The following AUH variants were observed in gnomAD, a reference collection of about 807,000 sequenced individuals.
The protein encoded by AUH is AU RNA binding methylglutaconyl-CoA hydratase, also known as methylglutaconyl-CoA hydratase, mitochondrial.
In AUH, 29 loss-of-function variants were observed where a neutral mutation model predicts 42.3. The ratio of observed to expected loss-of-function variants is 0.69; its 90% CI spans 0.51 to 0.93. AUH has a LOEUF of 0.93. Among genes scored for constraint, AUH ranks in the 40% least tolerant of loss-of-function variants. The pLI, the probability that AUH is intolerant of heterozygous loss-of-function variation, is 0.00. For missense variants in AUH, 452 were observed against 438.1 expected (o/e 1.03, Z -0.28); for synonymous variants, 174 against 166.4 (o/e 1.05, Z -0.35).
intron 6 of AUH, among the ~76,000 whole-genome samples, chr9:91,287,839 GTTGA>G (rs967708701): frequency 3.3e-5 from 5 of 152,024 alleles, no homozygotes; most frequent in Non-Finnish European, 7.4e-5. Flanking sequence ...TGATAATAGT[GTTGA>G]TTATGTAAGA....
chr9:91,235,092 C>T (rs1252382838), intron 6 of AUH, among the ~76,000 whole-genome samples: 1 of 151,856 alleles, frequency 6.6e-6, no homozygotes, highest in Non-Finnish European at 1.5e-5. Flanking sequence ...TAGAAGTTTA[C>T]ATTTTACCCT....
chr9:91,341,568 C>A (rs59800170), intron 3 of AUH, among the ~76,000 whole-genome samples: 3,789 of 152,320 alleles, frequency 0.025, 78 homozygotes, highest in East Asian at 0.065. Flanking sequence ...AAGCCACCTA[C>A]GCATGCTCTG....
intron 6 of AUH, among the ~76,000 whole-genome samples, chr9:91,230,810 GCA>G (rs1470274257): frequency 6.6e-6 from 1 of 152,236 alleles, no homozygotes; most frequent in Non-Finnish European, 1.5e-5. Context: ...GGAGAACCCT[GCA>G]GTGTGAGGTA....
At chr9:91,245,293 A>G (rs1463769207) in intron 6 of AUH, among the ~76,000 whole-genome samples, 4 of 152,164 alleles carry the variant, frequency 2.6e-5, no homozygotes, top group African/African-American at 9.7e-5. Flanking sequence ...AGAACTGTGA[A>G]AAGTATGAGA....
chr9:91,361,258 A>G (rs1423852576), intron 1 of AUH, among the ~76,000 whole-genome samples: 2 of 152,164 alleles, frequency 1.3e-5, no homozygotes, highest in African/African-American at 4.8e-5. Flanking sequence ...CTAATAGCTG[A>G]GTTTACAGAA....
At chr9:91,349,688 A>G (rs978900036) in intron 3 of AUH, among the ~76,000 whole-genome samples, 7 of 149,240 alleles carry the variant, frequency 4.7e-5, no homozygotes, top group African/African-American at 1.5e-4. Flanking sequence ...AGACACACAC[A>G]CACACACACA....
intron 6 of AUH, among the ~76,000 whole-genome samples, chr9:91,232,516 A>C (rs964041556): frequency 2.6e-5 from 4 of 152,190 alleles, no homozygotes; most frequent in African/African-American, 9.7e-5. Flanking sequence ...TTCCACAGAA[A>C]AGCAACTATA....
Position 91,361,622 on chromosome 9 carries a change from C to A in AUH, c.262+6G>T. 6.3e-7 allele frequency: 1 copy of A among 1,578,532 alleles called. No individual in the cohort carries two copies. Among genetic ancestry groups the A allele is most frequent in the Non-Finnish European group, 8.6e-7 (1 of 1,163,146 alleles). On this transcript the variant is annotated splice_donor_region_variant and intron_variant, in intron 1 of 9. Coordinates refer to ENST00000375731, the MANE Select transcript of AUH (RefSeq NM_001698.3). ...GCCCCGCGCCTGCCCAGCGTTCGCA[C>A]CTCACCTCGGTTCTCCTCCTCCAGG...
chr9:91,343,290 G>A (rs1315199423), intron 3 of AUH: 1 of 151,896 alleles, frequency 6.6e-6, no homozygotes, highest in East Asian at 1.9e-4. Flanking sequence ...TAGGAAGCTA[G>A]AAATAAGAGT....
At chr9:91,249,585 A>AT (rs1829009640) in intron 6 of AUH, among the ~76,000 whole-genome samples, 1 of 152,176 alleles carries the variant, frequency 6.6e-6, no homozygotes, top group African/African-American at 2.4e-5. Flanking sequence ...TAATACTCAA[A>AT]TATCTTCTGT....
chr9:91,288,082 G>A (rs1284458416), intron 6 of AUH, among the ~76,000 whole-genome samples: 3 of 151,992 alleles, frequency 2.0e-5, no homozygotes, highest in Non-Finnish European at 4.4e-5. Context: ...AATTCACAGA[G>A]CAGTGGAAAT....
chr9:91,303,392 G>A (rs1189898979), intron 4 of AUH, among the ~76,000 whole-genome samples: 4 of 151,996 alleles, frequency 2.6e-5, no homozygotes, highest in Non-Finnish European at 2.9e-5. Flanking sequence ...GTGCAGTGGC[G>A]CAATCTCGGC....
intron 4 of AUH, among the ~76,000 whole-genome samples, chr9:91,305,084 C>T (rs1200903503): frequency 2.0e-5 from 3 of 152,084 alleles, no homozygotes; most frequent in Non-Finnish European, 4.4e-5. Flanking sequence ...ATCTTTAAAA[C>T]AACATGATAG....
At chr9:91,355,110 G>C (rs572877133) in intron 3 of AUH, among the ~76,000 whole-genome samples, 2 of 152,118 alleles carry the variant, frequency 1.3e-5, no homozygotes, top group East Asian at 1.9e-4. Context: ...AATTCTTTTC[G>C]GTATCCTACA....
intron 3 of AUH, among the ~76,000 whole-genome samples, chr9:91,346,733 C>A (rs1460976015): frequency 6.6e-6 from 1 of 152,142 alleles, no homozygotes; most frequent in African/African-American, 2.4e-5. Flanking sequence ...TCCCACAAGG[C>A]TGCCCTCACT....
At chr9:91,323,983 G>C (rs1011288953) in intron 4 of AUH, among the ~76,000 whole-genome samples, 6 of 151,954 alleles carry the variant, frequency 3.9e-5, no homozygotes, top group African/African-American at 1.5e-4. Context: ...TGATGTGCGA[G>C]AATCAACAGA....
chr9:91,258,089 A>C (rs994189203), intron 6 of AUH, among the ~76,000 whole-genome samples: 1 of 152,194 alleles, frequency 6.6e-6, no homozygotes, highest in Non-Finnish European at 1.5e-5. Flanking sequence ...TTCATTTTAT[A>C]TTTTGAACTT....
At chr9:91,247,555 C>T (rs527515114) in intron 6 of AUH, among the ~76,000 whole-genome samples, 9 of 152,274 alleles carry the variant, frequency 5.9e-5, no homozygotes, top group Non-Finnish European at 1.3e-4. Context: ...CAATTTAAAA[C>T]AAATCCCATT....
intron 4 of AUH, among the ~76,000 whole-genome samples, chr9:91,323,542 G>A (rs1018338827): frequency 2.6e-5 from 4 of 151,696 alleles, no homozygotes; most frequent in African/African-American, 9.7e-5. Context: ...AGAATTGCTT[G>A]AACCTGGGAT....
Sources: gnomAD v4.1 joint callset for allele counts (sites outside exome capture counted in the v4.1 genomes callset) on GRCh38, gnomAD v4.1.1 for gene constraint, MANE v1.5 for transcripts, NCBI Gene and HGNC (gene_info 2026-07-23, HGNC 2026-07-21) for gene names.